The following CMSS1 variants were observed in gnomAD, a reference collection of about 807,000 sequenced individuals.
CMSS1 encodes the protein protein CMSS1.
In CMSS1, 33 loss-of-function variants were observed where a neutral mutation model predicts 43.5. That is an observed-to-expected ratio of 0.76 (90% confidence interval 0.57 to 1.01). The LOEUF is 1.01. CMSS1 is among the 50% of genes least tolerant of loss of function. The pLI is 0.00. For missense variants in CMSS1, 313 were observed against 326.4 expected (o/e 0.96, Z 0.32); for synonymous variants, 115 against 117.2 (o/e 0.98, Z 0.12).
chr3:99,970,454 T>C (rs1708780073), intron 1 of CMSS1, among the ~76,000 whole-genome samples: 1 of 152,264 alleles, frequency 6.6e-6, no homozygotes, highest in Non-Finnish European at 1.5e-5. Context: ...AGTCTCATTC[T>C]CACATACTCT....
chr3:100,180,246 G>T lies in CMSS1; in HGVS notation c.*1858G>T, dbSNP rs1215752080. The T allele has an allele frequency of 2.6e-5, 4 of 152,208 alleles. 1 individual carries two copies. The highest frequency in any genetic ancestry group is 4.4e-5 in the Non-Finnish European group (3 of 68,038). The allele number at this position is 152,208 out of a possible 1,614,324, so 9.4% of individuals were successfully genotyped here. On this transcript the variant is annotated 3_prime_UTR_variant, in exon 10 of 10. Transcript: ENST00000421999. The stretch of plus-strand genomic sequence containing the variant: ...CTGGAGGCATTTTATCCATTGTTTT[G>T]GCTATTAACATTTGGCTCCTCTTGT...
chr3:100,033,703 C>G (rs2065059576), intron 1 of CMSS1, among the ~76,000 whole-genome samples: 1 of 152,076 alleles, frequency 6.6e-6, no homozygotes, highest in Admixed American at 6.6e-5. Flanking sequence ...TTTGACAATT[C>G]AGAATTGATT....
intron 1 of CMSS1, among the ~76,000 whole-genome samples, chr3:99,887,039 A>C (rs563786644): frequency 6.6e-6 from 1 of 151,962 alleles, no homozygotes; most frequent in Non-Finnish European, 1.5e-5. Context: ...TGAGAGGCTG[A>C]GGTGGGTGGA....
intron 1 of CMSS1, among the ~76,000 whole-genome samples, chr3:100,113,034 T>C (rs773665681): frequency 4.6e-5 from 7 of 152,238 alleles, no homozygotes; most frequent in Admixed American, 1.3e-4. Flanking sequence ...TTCTCCTTTA[T>C]GCATATCTAA....
chr3:99,849,248 G>A (rs1943532529), intron 1 of CMSS1: 1 of 1,613,988 alleles, frequency 6.2e-7, no homozygotes, highest in African/African-American at 1.3e-5. Flanking sequence ...TTGTAATCAG[G>A]TGGTTCATTG....
intron 1 of CMSS1, among the ~76,000 whole-genome samples, chr3:99,931,569 A>G (rs1434138946): frequency 6.6e-6 from 1 of 152,158 alleles, no homozygotes; most frequent in Admixed American, 6.5e-5. Context: ...GAATTACTGC[A>G]TTATTTTGTT....
chr3:99,840,417 T>C (rs1013346533), intron 1 of CMSS1, among the ~76,000 whole-genome samples: 4 of 151,894 alleles, frequency 2.6e-5, no homozygotes, highest in Non-Finnish European at 5.9e-5. Context: ...AGAGATGGGA[T>C]TTCACCATGT....
intron 1 of CMSS1, chr3:99,848,502 C>A (rs1353058180): frequency 2.5e-6 from 4 of 1,614,060 alleles, no homozygotes; most frequent in African/African-American, 1.3e-5. Context: ...TTTTATTATC[C>A]TCAGTAGTTA....
At chr3:99,848,357 CT>C in intron 1 of CMSS1, 1 of 1,614,094 alleles carries the variant, frequency 6.2e-7, no homozygotes. Context: ...CTGCTGGTGA[CT>C]TTATTGGTTG....
At chr3:99,938,749 G>A (rs956198968) in intron 1 of CMSS1, among the ~76,000 whole-genome samples, 12 of 152,136 alleles carry the variant, frequency 7.9e-5, no homozygotes. Context: ...GATGTTAATA[G>A]CGCTCAGTTG....
rs2067033706 is a variant in CMSS1 at position 100,162,578 on chromosome 3, C to T, written c.355+146C>T. 3 of 811,368 alleles carry T rather than the reference C, an allele frequency of 3.7e-6. No homozygotes were observed. In the Admixed American group the frequency reaches 8.8e-5, roughly 24 times the overall value. 50.3% of individuals were successfully genotyped at this position (811,368 alleles called of 1,614,324 possible). A position where few individuals can be genotyped will look rare whatever the true frequency, so the allele number is the denominator to read the frequency against. ...ATCCCAGCACTTTGGGAGACTGAGGCTAGAGGATCGCTTGAGCCCAGGTGT... is the reference window on the plus strand; with the variant it reads ...ATCCCAGCACTTTGGGAGACTGAGGTTAGAGGATCGCTTGAGCCCAGGTGT... On this transcript the variant is annotated intron_variant, in intron 4 of 9. Transcript: ENST00000421999.
At chr3:99,921,106 T>C (rs1322000830) in intron 1 of CMSS1, among the ~76,000 whole-genome samples, 1 of 152,192 alleles carries the variant, frequency 6.6e-6, no homozygotes, top group Non-Finnish European at 1.5e-5. Context: ...ACATTGTTCT[T>C]TGACCCTTCA....
chr3:99,890,906 G>A (rs1706063630), intron 1 of CMSS1, among the ~76,000 whole-genome samples: 1 of 152,000 alleles, frequency 6.6e-6, no homozygotes, highest in Non-Finnish European at 1.5e-5. Context: ...AATTTTATAT[G>A]TAGGAATTCC....
intron 1 of CMSS1, among the ~76,000 whole-genome samples, chr3:99,888,797 A>G (rs1349386662): frequency 6.6e-6 from 1 of 152,152 alleles, no homozygotes; most frequent in East Asian, 1.9e-4. Flanking sequence ...TGTTTCATAA[A>G]TTTCCTTGCA....
intron 1 of CMSS1, among the ~76,000 whole-genome samples, chr3:99,909,402 G>A (rs1355168676): frequency 6.6e-6 from 1 of 152,180 alleles, no homozygotes; most frequent in Non-Finnish European, 1.5e-5. Flanking sequence ...CCTTGGGTCA[G>A]GTGAGGGGGT....
chr3:100,098,377 A>G (rs1288047808), intron 1 of CMSS1, among the ~76,000 whole-genome samples: 2 of 152,144 alleles, frequency 1.3e-5, no homozygotes, highest in African/African-American at 4.8e-5. Context: ...CAGTTACTGA[A>G]CTTCTCTCAG....
chr3:100,171,922 C>G, intron 7 of CMSS1, 23 bp downstream of exon 7: 1 of 1,587,828 alleles, frequency 6.3e-7, no homozygotes. Flanking sequence ...CTGTGTGATC[C>G]CTAAAGGCCT....
chr3:99,938,970 G>A (rs528180829), intron 1 of CMSS1, among the ~76,000 whole-genome samples: 22 of 152,208 alleles, frequency 1.4e-4, no homozygotes, highest in South Asian at 2.1e-4. Flanking sequence ...ATTGGCCTCC[G>A]TTATCTTTTT....
At chr3:100,121,552 C>T (rs1049645853) in intron 1 of CMSS1, among the ~76,000 whole-genome samples, 6 of 152,050 alleles carry the variant, frequency 3.9e-5, no homozygotes, top group Admixed American at 6.5e-5. Flanking sequence ...AATAAACATA[C>T]GTGTACATGT....
Sources: allele counts gnomAD v4.1 joint callset (sites outside exome capture counted in the v4.1 genomes callset), GRCh38; gene constraint gnomAD v4.1.1; transcripts MANE v1.5; gene names NCBI Gene and HGNC (gene_info 2026-07-23, HGNC 2026-07-21).